Variants in MITF observed in about 807,000 individuals in gnomAD.
MITF encodes the protein microphthalmia-associated transcription factor.
In MITF, 17 loss-of-function variants were observed where a neutral mutation model predicts 60.5. The observed-to-expected ratio is 0.28, with a 90% CI of 0.19 to 0.42. The LOEUF is 0.42. Ranked by LOEUF, MITF falls within the 10% of genes least tolerant of loss-of-function variation. The probability of loss-of-function intolerance (pLI) is 1.00; values close to 1 mark genes in which losing one functional copy is unlikely to be tolerated. For synonymous variants in MITF, 260 were observed against 248.5 expected (o/e 1.05, Z -0.43); for missense variants, 622 against 683.5 (o/e 0.91, Z 1.00).
chr3:69,814,144 C>T lies in MITF; in HGVS notation c.105-64990C>T, dbSNP rs141175606. 9.2e-3 allele frequency among the ~76,000 whole-genome samples: 1,394 copies of T among 152,008 alleles called. 10 individuals are homozygous for T. Among genetic ancestry groups the T allele is most frequent in the Non-Finnish European group, 0.013 (910 of 67,988 alleles). On this transcript the variant is annotated intron_variant, in intron 1 of 9. Coordinates refer to ENST00000352241, the MANE Select transcript of MITF (RefSeq NM_001354604.2). ...TTTATAAAAAAAAAAAAGTGCAACT[C>T]TCTGCCACTGCGGTATTCTCAGGTC...
At chr3:69,914,215 G>A (rs879557478) in intron 2 of MITF, among the ~76,000 whole-genome samples, 4 of 152,002 alleles carry the variant, frequency 2.6e-5, no homozygotes, top group African/African-American at 4.8e-5. Context: ...TCTGCCTCCC[G>A]GGTTCAAGAG....
At chr3:69,828,496 G>A (rs55761397) in intron 1 of MITF, among the ~76,000 whole-genome samples, 76,007 of 151,622 alleles carry the variant, frequency 0.5, 20,717 homozygotes, top group Non-Finnish European at 0.63. Context: ...CTAAGTATAC[G>A]ACATTTTAAT....
chr3:69,944,492 C>T (rs1183846671), intron 5 of MITF, among the ~76,000 whole-genome samples: 2 of 152,208 alleles, frequency 1.3e-5, no homozygotes, highest in South Asian at 2.1e-4. Flanking sequence ...GACTTTATCC[C>T]GGCATCCACT....
At chr3:69,887,688 A>G (rs966030488) in intron 2 of MITF, among the ~76,000 whole-genome samples, 1 of 152,072 alleles carries the variant, frequency 6.6e-6, no homozygotes, top group Non-Finnish European at 1.5e-5. Flanking sequence ...ACTCTTTTTA[A>G]AAATAGGGAA....
At chr3:69,834,084 C>T (rs975557738) in intron 1 of MITF, among the ~76,000 whole-genome samples, 3 of 110,950 alleles carry the variant, frequency 2.7e-5, no homozygotes, top group African/African-American at 5.3e-5. Context: ...GATGTTTTGA[C>T]ACGTGTGTGT....
chr3:69,915,463 T>C (rs1443121815), intron 2 of MITF, among the ~76,000 whole-genome samples: 4 of 151,798 alleles, frequency 2.6e-5, no homozygotes, highest in Admixed American at 6.6e-5. Context: ...ATGAATGATA[T>C]TGCCACTTCA....
chr3:69,966,812 G>A lies in MITF; in HGVS notation c.*1564G>A, dbSNP rs565876629. ...ACAACTGAATAGCAAGTGGCATAAA[G>A]CATATCCATTCAGAATGAAGTGCCT... is the stretch of plus-strand genomic sequence containing the variant. On this transcript the variant is annotated 3_prime_UTR_variant, in exon 10 of 10. Coordinates refer to ENST00000352241, the MANE Select transcript of MITF (RefSeq NM_001354604.2). 1.9e-4 allele frequency: 44 copies of A among 232,816 alleles called. No individual in the cohort carries two copies. In the South Asian group the frequency reaches 6.5e-3, roughly 35 times the overall value. 14.4% of individuals were successfully genotyped at this position (232,816 alleles called of 1,614,324 possible).
At chr3:69,800,739 T>TA (rs558398354) in intron 1 of MITF, among the ~76,000 whole-genome samples, 4 of 151,626 alleles carry the variant, frequency 2.6e-5, no homozygotes, top group Non-Finnish European at 5.9e-5. Context: ...CCTTTTCATT[T>TA]AAAAAAAAAT....
Position 69,829,865 on chromosome 3 carries a change from A to G in MITF, c.105-49269A>G, listed in dbSNP as rs2063417807. On this transcript the variant is annotated intron_variant, in intron 1 of 9. Transcript: ENST00000352241. Reference sequence around the variant, plus strand: ...TAGGTGACCTCCCTTAGGGCCAGTGATGCCTGAGGATGGCATTCCCAGTTT... The same window carrying G: ...TAGGTGACCTCCCTTAGGGCCAGTGGTGCCTGAGGATGGCATTCCCAGTTT... Among the ~76,000 whole-genome samples, 3 of 152,168 alleles carry G rather than the reference A, an allele frequency of 2.0e-5. No homozygotes were observed. In the South Asian group the frequency reaches 6.2e-4, roughly 32 times the overall value.
At chr3:69,840,572 A>G (rs1024288225) in intron 1 of MITF, among the ~76,000 whole-genome samples, 7 of 152,218 alleles carry the variant, frequency 4.6e-5, no homozygotes, top group South Asian at 2.1e-4. Context: ...ATGACTTACC[A>G]AAGAGCTTTT....
At position 69,758,043 on chromosome 3, in the gene MITF, C is replaced by G. The variant is rs531827304; in HGVS notation, c.104+18342C>G. 5.8e-5 allele frequency among the ~76,000 whole-genome samples: 6 copies of G among 103,794 alleles called. 1 individual carries two copies. Among genetic ancestry groups the G allele is most frequent in the South Asian group, 6.7e-4 (2 of 3,002 alleles). 68.1% of individuals were successfully genotyped at this position (103,794 alleles called of 152,430 possible). On this transcript the variant is annotated intron_variant, in intron 1 of 9. Transcript: ENST00000352241. ...TGTGTGTGTGTGTGTGTGTGTGTGT[C>G]TATATATATAATACTCTCTTCCACC...
intron 1 of MITF, among the ~76,000 whole-genome samples, chr3:69,741,271 G>A (rs1251059597): frequency 6.6e-6 from 1 of 152,140 alleles, no homozygotes; most frequent in African/African-American, 2.4e-5. Context: ...TTCGGCTGAA[G>A]GGACCAGTGT....
intron 1 of MITF, among the ~76,000 whole-genome samples, chr3:69,839,147 T>A (rs2063585890): frequency 6.9e-6 from 1 of 144,190 alleles, no homozygotes; most frequent in Non-Finnish European, 1.5e-5. Flanking sequence ...GTGAAGTTCA[T>A]TTTTTTTTTT....
chr3:69,927,360 A>T (rs929749565), intron 2 of MITF, among the ~76,000 whole-genome samples: 1 of 152,032 alleles, frequency 6.6e-6, no homozygotes, highest in Non-Finnish European at 1.5e-5. Context: ...CACACACCGG[A>T]GCCTGTTGAG....
chr3:69,918,633 A>G (rs2065392609), intron 2 of MITF, among the ~76,000 whole-genome samples: 1 of 152,214 alleles, frequency 6.6e-6, no homozygotes, highest in Admixed American at 6.5e-5. Flanking sequence ...CAGGCAAGTC[A>G]CATCAAGCTA....
chr3:69,753,653 T>G (rs1350424018), intron 1 of MITF, among the ~76,000 whole-genome samples: 1 of 152,242 alleles, frequency 6.6e-6, no homozygotes, highest in Non-Finnish European at 1.5e-5. Flanking sequence ...CTTGCACTAG[T>G]GAGCCCTGGA....
intron 1 of MITF, among the ~76,000 whole-genome samples, chr3:69,745,708 C>G (rs1371921313): frequency 6.6e-6 from 1 of 152,090 alleles, no homozygotes; most frequent in Admixed American, 6.5e-5. Context: ...TGCATGTGGA[C>G]AGGTTTAGAG....
At chr3:69,912,004 C>A (rs1226318419) in intron 2 of MITF, among the ~76,000 whole-genome samples, 1 of 152,116 alleles carries the variant, frequency 6.6e-6, no homozygotes, top group Non-Finnish European at 1.5e-5. Context: ...CTGCAGTCAA[C>A]CTAAATGCCC....
In MITF at chr3:69,966,441, A is replaced by G. The variant is rs1046208649; in HGVS notation, c.*1193A>G. On this transcript the variant is annotated 3_prime_UTR_variant, in exon 10 of 10. Coordinates refer to ENST00000352241, the MANE Select transcript of MITF (RefSeq NM_001354604.2). ...TAGGTTAAAACCAGGCTTTCTAGAA[A>G]GAATAAACTTACATATTTATTTTTA... 3.9e-5 allele frequency: 9 copies of G among 232,754 alleles called. No homozygotes were observed. Among genetic ancestry groups the G allele is most frequent in the African/African-American group, 2.0e-4 (9 of 45,328 alleles). 14.4% of individuals were successfully genotyped at this position (232,754 alleles called of 1,614,324 possible).
Sources: allele counts gnomAD v4.1 joint callset (sites outside exome capture counted in the v4.1 genomes callset), GRCh38; gene constraint gnomAD v4.1.1; transcripts MANE v1.5; gene names NCBI Gene and HGNC (gene_info 2026-07-23, HGNC 2026-07-21).